The following RICTOR variants were observed in gnomAD, a reference collection of about 807,000 sequenced individuals.
RICTOR encodes the protein rapamycin-insensitive companion of mTOR.
A neutral mutation model predicts 214.9 loss-of-function variants in RICTOR; 49 were observed. That is an observed-to-expected ratio of 0.23 (90% CI 0.18 to 0.29). RICTOR has a LOEUF of 0.29. Among genes scored for constraint, RICTOR ranks in the 10% least tolerant of loss-of-function variants. The probability of loss-of-function intolerance (pLI) is 1.00; values close to 1 mark genes in which losing one functional copy is unlikely to be tolerated. For missense variants in RICTOR, 1,625 were observed against 2,047.0 expected (o/e 0.79, Z 3.98); for synonymous variants, 717 against 711.3 (o/e 1.01, Z -0.13).
At chr5:38,990,606 GAT>G (rs1329082620) in intron 7 of RICTOR, among the ~76,000 whole-genome samples, 9 of 99,840 alleles carry the variant, frequency 9.0e-5, no homozygotes, top group African/African-American at 3.3e-4. Context: ...CGATATATAT[GAT>G]ATATATACGA....
chr5:39,015,934 G>C (rs1421326833), intron 3 of RICTOR, among the ~76,000 whole-genome samples: 3 of 151,954 alleles, frequency 2.0e-5, no homozygotes, highest in Non-Finnish European at 2.9e-5. Flanking sequence ...ATCACAGTTG[G>C]GCTGCAAGTC....
At chr5:39,064,312 T>C (rs1257630095) in intron 2 of RICTOR, among the ~76,000 whole-genome samples, 1 of 152,222 alleles carries the variant, frequency 6.6e-6, no homozygotes, top group Non-Finnish European at 1.5e-5. Flanking sequence ...TCATACAGAT[T>C]AACAAATATT....
At chr5:39,045,870 A>C (rs1757455158) in intron 2 of RICTOR, among the ~76,000 whole-genome samples, 1 of 151,994 alleles carries the variant, frequency 6.6e-6, no homozygotes, top group Non-Finnish European at 1.5e-5. Context: ...ACTAGATTTG[A>C]GTATGGATTA....
At chr5:38,975,666 TC>T in intron 9 of RICTOR, 62 bp from the exon 10 acceptor site, 3 of 1,209,610 alleles carry the variant, frequency 2.5e-6, no homozygotes, top group Non-Finnish European at 3.7e-6. Context: ...ATGAGTTTTT[TC>T]CTGCTACTAA....
At chr5:38,994,236 A>C (rs1242338777) in intron 6 of RICTOR, among the ~76,000 whole-genome samples, 1 of 151,674 alleles carries the variant, frequency 6.6e-6, no homozygotes, top group Non-Finnish European at 1.5e-5. Flanking sequence ...GGATATGTGT[A>C]CAAGGTGTAT....
At chr5:39,004,575 T>A (rs1169397756) in intron 3 of RICTOR, among the ~76,000 whole-genome samples, 1 of 151,724 alleles carries the variant, frequency 6.6e-6, no homozygotes, top group Non-Finnish European at 1.5e-5. Flanking sequence ...TTCTCCCGCC[T>A]CAGCCCTCCG....
At chr5:39,034,264 G>C (rs1756490828) in intron 2 of RICTOR, among the ~76,000 whole-genome samples, 1 of 152,340 alleles carries the variant, frequency 6.6e-6, no homozygotes, top group Middle Eastern at 3.4e-3. Flanking sequence ...AACACTAACA[G>C]AAAGTGAGCT....
At chr5:38,943,148 C>G (rs1411103717) in intron 36 of RICTOR, 177 bp from the exon 37 acceptor site, 2 of 371,396 alleles carry the variant, frequency 5.4e-6, no homozygotes, top group East Asian at 7.2e-5. Flanking sequence ...CTTAGACATT[C>G]TGAGTTTGGG....
chr5:38,944,652 C>T (rs1004957165), intron 35 of RICTOR, 83 bp from the exon 36 acceptor site: 1 of 1,225,118 alleles, frequency 8.2e-7, no homozygotes, highest in Non-Finnish European at 1.1e-6. Flanking sequence ...TTTTAAACTT[C>T]ACCTAAAGAC....
intron 2 of RICTOR, among the ~76,000 whole-genome samples, chr5:39,053,742 A>T (rs953989191): frequency 6.8e-6 from 1 of 146,474 alleles, no homozygotes; most frequent in Non-Finnish European, 1.5e-5. Flanking sequence ...AATACAAAAA[A>T]TTAGCCGGGC....
rs367750161 is a variant in RICTOR, at chr5:38,977,481, T to C, written c.821+1102A>G. 4.6e-5 allele frequency among the ~76,000 whole-genome samples: 7 copies of C among 152,290 alleles called. No individual in the cohort carries two copies. The South Asian group carries it at 8.3e-4, about 18-fold the overall frequency. The stretch of plus-strand genomic sequence containing the variant: ...ATAACTGAAGTTTGCAGGAATAAGT[T>C]TGAGAAGTCTTAGAGGACATCTACT... On this transcript the variant is annotated intron_variant, in intron 9 of 37. Coordinates refer to ENST00000357387, the MANE Select transcript of RICTOR (RefSeq NM_152756.5).
At chr5:39,026,701 T>C (rs1490931738) in intron 2 of RICTOR, among the ~76,000 whole-genome samples, 2 of 151,664 alleles carry the variant, frequency 1.3e-5, no homozygotes, top group African/African-American at 2.4e-5. Flanking sequence ...TTGTTTTTAA[T>C]AGATGAGTTA....
chr5:39,065,440 C>A (rs1259451555), intron 2 of RICTOR, among the ~76,000 whole-genome samples: 1 of 152,176 alleles, frequency 6.6e-6, no homozygotes, highest in Non-Finnish European at 1.5e-5. Flanking sequence ...AATATCCAAA[C>A]TGTATCATTC....
chr5:38,958,404 C>A lies in RICTOR; in HGVS notation c.2420+39G>T, dbSNP rs779575712. 3 of 1,360,092 alleles carry A rather than the reference C, an allele frequency of 2.2e-6. No homozygotes were observed. In the South Asian group the frequency reaches 3.5e-5, roughly 16 times the overall value. 84.3% of individuals were successfully genotyped at this position (1,360,092 alleles called of 1,614,324 possible). On this transcript the variant is annotated intron_variant, in intron 24 of 37. Transcript: ENST00000357387. Reference sequence around the variant, plus strand: ...CTTTAATATACACTGCCAAAGAACACAACAAAAAAACATAACAGAAAATTT... The same window carrying A: ...CTTTAATATACACTGCCAAAGAACAAAACAAAAAAACATAACAGAAAATTT...
chr5:39,003,218 A>G (rs1426516902), intron 4 of RICTOR, among the ~76,000 whole-genome samples: 1 of 152,188 alleles, frequency 6.6e-6, no homozygotes, highest in Non-Finnish European at 1.5e-5. Context: ...TTGTAAGCAC[A>G]AACTTTCTCT....
chr5:39,073,826 G>A (rs1486922565), intron 2 of RICTOR, among the ~76,000 whole-genome samples: 1 of 152,206 alleles, frequency 6.6e-6, no homozygotes, highest in African/African-American at 2.4e-5. Context: ...CTCGAGCCCA[G>A]AGGGTCGCCG....
chr5:39,034,691 C>G lies in RICTOR; in HGVS notation c.98-13555G>C, dbSNP rs535181658. Among the ~76,000 whole-genome samples the G allele has an allele frequency of 2.0e-5, 3 of 152,356 alleles. No homozygotes were observed. The East Asian group carries it at 5.8e-4, about 29-fold the overall frequency. ...ATATCCCACACCTGGCTCAGCGGGT[C>G]CTACGCCCACAGAGCCTCACTCATT... On this transcript the variant is annotated intron_variant, in intron 2 of 37. Transcript: ENST00000357387.
chr5:39,059,513 A>G (rs1758404634), intron 2 of RICTOR, among the ~76,000 whole-genome samples: 1 of 152,168 alleles, frequency 6.6e-6, no homozygotes, highest in African/African-American at 2.4e-5. Context: ...GATCTATGCT[A>G]TCTTTCAATA....
chr5:39,036,114 T>C (rs558636761), intron 2 of RICTOR, among the ~76,000 whole-genome samples: 2 of 152,272 alleles, frequency 1.3e-5, no homozygotes, highest in South Asian at 2.1e-4. Flanking sequence ...TAACAGCGGA[T>C]CTCTCCGCAG....
Sources: allele counts gnomAD v4.1 joint callset (sites outside exome capture counted in the v4.1 genomes callset), GRCh38; gene constraint gnomAD v4.1.1; transcripts MANE v1.5; gene names NCBI Gene and HGNC (gene_info 2026-07-23, HGNC 2026-07-21).